The following CTNNA2 variants were observed in gnomAD, a reference collection of about 807,000 sequenced individuals.
CTNNA2 encodes catenin alpha 2, also known as catenin alpha-2.
CTNNA2 carries 42 observed loss-of-function variants against 101.0 expected under a neutral mutation model. The observed-to-expected ratio is 0.42, with a 90% CI of 0.32 to 0.54. CTNNA2 has a LOEUF of 0.54. Ranked by LOEUF, CTNNA2 falls within the 20% of genes least tolerant of loss-of-function variation. The pLI is 0.14. For synonymous variants in CTNNA2, 450 were observed against 456.4 expected, an observed-to-expected ratio of 0.99 and a Z score of 0.18; for missense variants, 871 against 1,223.1, an observed-to-expected ratio of 0.71 and a Z score of 4.29.
intron 4 of CTNNA2, among the ~76,000 whole-genome samples, chr2:79,486,091 T>C (rs907984435): frequency 7.1e-4 from 108 of 152,050 alleles, no homozygotes; most frequent in African/African-American, 2.6e-3. Flanking sequence ...ATTATTATTA[T>C]ACTTTAAGTT....
intron 7 of CTNNA2, among the ~76,000 whole-genome samples, chr2:80,102,345 C>T (rs1700596513): frequency 6.6e-6 from 1 of 152,168 alleles, no homozygotes. Context: ...CCAGACTCAT[C>T]TTCTCCAAAC....
At chr2:79,263,196 T>C (rs900187947) in intron 2 of CTNNA2, among the ~76,000 whole-genome samples, 9 of 152,176 alleles carry the variant, frequency 5.9e-5, no homozygotes, top group African/African-American at 1.4e-4. Flanking sequence ...ATTTTGTCTC[T>C]TCCAAATCTC....
At chr2:79,818,895 G>GCA (rs56218833) in intron 3 of CTNNA2, among the ~76,000 whole-genome samples, 11,548 of 125,474 alleles carry the variant, frequency 0.092, 723 homozygotes, top group African/African-American at 0.17. Context: ...AGCACTAATA[G>GCA]CACACACACA....
At chr2:79,523,857 C>T (rs553810659) in intron 1 of CTNNA2, among the ~76,000 whole-genome samples, 2 of 152,048 alleles carry the variant, frequency 1.3e-5, no homozygotes, top group Admixed American at 6.6e-5. Context: ...CATTTGCTTT[C>T]TGTCTAATGG....
chr2:79,287,792 G>A (rs550197012), intron 2 of CTNNA2, among the ~76,000 whole-genome samples: 21 of 152,280 alleles, frequency 1.4e-4, no homozygotes, highest in South Asian at 2.1e-4. Flanking sequence ...CCAGCTTCCC[G>A]GCTGCTTTGT....
At chr2:79,290,424 G>T (rs1377852388) in intron 2 of CTNNA2, among the ~76,000 whole-genome samples, 2 of 152,124 alleles carry the variant, frequency 1.3e-5, no homozygotes, top group Admixed American at 6.5e-5. Context: ...CCGGCCCTGT[G>T]CCCACGGACC....
At chr2:80,131,299 T>C (rs960244752) in intron 7 of CTNNA2, among the ~76,000 whole-genome samples, 1 of 152,156 alleles carries the variant, frequency 6.6e-6, no homozygotes, top group African/African-American at 2.4e-5. Context: ...CCTCAAGTGA[T>C]CTGCCCGCCT....
chr2:79,225,926 T>G (rs1208831597), intron 2 of CTNNA2, among the ~76,000 whole-genome samples: 1 of 152,184 alleles, frequency 6.6e-6, no homozygotes, highest in Admixed American at 6.6e-5. Context: ...TTTGTTTTGT[T>G]TTGCTACCTC....
intron 7 of CTNNA2, among the ~76,000 whole-genome samples, chr2:80,166,681 C>T (rs1220070635): frequency 1.3e-5 from 2 of 152,116 alleles, no homozygotes; most frequent in Non-Finnish European, 2.9e-5. Context: ...GATCAGATGA[C>T]AGGTCACAGT....
At chr2:79,689,459 T>A (rs1310038552) in intron 2 of CTNNA2, among the ~76,000 whole-genome samples, 1 of 152,038 alleles carries the variant, frequency 6.6e-6, no homozygotes, top group Admixed American at 6.6e-5. Context: ...TGCATTAAGA[T>A]GCCATGTTCC....
intron 7 of CTNNA2, among the ~76,000 whole-genome samples, chr2:79,933,629 A>G (rs1687597346): frequency 1.3e-5 from 2 of 151,810 alleles, no homozygotes; most frequent in African/African-American, 4.8e-5. Context: ...TAATTTTTGT[A>G]TTTTTAGTAG....
At chr2:79,231,984 A>G (rs1477008446) in intron 2 of CTNNA2, among the ~76,000 whole-genome samples, 1 of 152,198 alleles carries the variant, frequency 6.6e-6, no homozygotes, top group Non-Finnish European at 1.5e-5. Flanking sequence ...TTCTAGGTAT[A>G]GAATCATATT....
chr2:80,617,685 G>T (rs1180583338), intron 17 of CTNNA2, among the ~76,000 whole-genome samples: 1 of 151,682 alleles, frequency 6.6e-6, no homozygotes. Flanking sequence ...TTTGAATTTA[G>T]TAGCTTCTGT....
At chr2:80,566,036 T>C (rs1346669743) in intron 12 of CTNNA2, among the ~76,000 whole-genome samples, 1 of 152,188 alleles carries the variant, frequency 6.6e-6, no homozygotes, top group African/African-American at 2.4e-5. Flanking sequence ...GAAATTTTCA[T>C]GTGTCCTGCT....
intron 9 of CTNNA2, among the ~76,000 whole-genome samples, chr2:80,444,135 G>A (rs1454899213): frequency 6.6e-6 from 1 of 152,192 alleles, no homozygotes; most frequent in Admixed American, 6.5e-5. Flanking sequence ...TATTGGGATA[G>A]ATCAAATGGG....
In CTNNA2 at chr2:80,397,854, G is replaced by A. The variant is rs979407195; in HGVS notation, c.1137+4563G>A. 7.9e-5 allele frequency among the ~76,000 whole-genome samples: 12 copies of A among 152,070 alleles called. No individual in the cohort carries two copies. The East Asian group carries it at 9.7e-4, about 12-fold the overall frequency. The stretch of plus-strand genomic sequence containing the variant: ...AAATTTTACTCTATCCTGCCTCTCC[G>A]TAGAACCAACATAAGCATGTGGGTC... On this transcript the variant is annotated intron_variant, in intron 8 of 18. Transcript: ENST00000402739.
intron 3 of CTNNA2, among the ~76,000 whole-genome samples, chr2:79,815,103 G>A (rs1377739290): frequency 2.0e-5 from 3 of 151,946 alleles, no homozygotes; most frequent in Non-Finnish European, 4.4e-5. Flanking sequence ...CATGTCCTTA[G>A]GGCACTTTTG....
intron 9 of CTNNA2, among the ~76,000 whole-genome samples, chr2:80,438,409 G>A (rs983117749): frequency 6.3e-5 from 9 of 142,332 alleles, no homozygotes; most frequent in South Asian, 4.4e-4. Context: ...TTTTTTTTCC[G>A]TTTGTTTGTT....
chr2:80,539,109 C>A (rs1229509227), intron 9 of CTNNA2, among the ~76,000 whole-genome samples: 1 of 152,100 alleles, frequency 6.6e-6, no homozygotes, highest in Admixed American at 6.5e-5. Context: ...ACCTCCACCT[C>A]CTCAGTTCAA....
Sources: gnomAD v4.1 joint callset for allele counts (sites outside exome capture counted in the v4.1 genomes callset) on GRCh38, gnomAD v4.1.1 for gene constraint, MANE v1.5 for transcripts, NCBI Gene and HGNC (gene_info 2026-07-23, HGNC 2026-07-21) for gene names.